The following ZFPM2 variants were observed in gnomAD, a reference collection of about 807,000 sequenced individuals.
The protein encoded by ZFPM2 is zinc finger protein ZFPM2.
Under a neutral mutation model 98.6 loss-of-function variants are expected in ZFPM2, and 20 were observed. The observed-to-expected ratio is 0.20, with a 90% CI of 0.14 to 0.29. The LOEUF (loss-of-function observed/expected upper bound fraction) is 0.29. Among genes scored for constraint, ZFPM2 ranks in the 10% least tolerant of loss-of-function variants. The pLI, the probability that ZFPM2 is intolerant of heterozygous loss-of-function variation, is 1.00. For synonymous variants in ZFPM2, 518 were observed against 502.7 expected (o/e 1.03, Z -0.41); for missense variants, 1,310 against 1,388.6 (o/e 0.94, Z 0.90).
At chr8:105,771,198 C>A (rs540636775) in intron 5 of ZFPM2, among the ~76,000 whole-genome samples, 1 of 152,162 alleles carries the variant, frequency 6.6e-6, no homozygotes, top group South Asian at 2.1e-4. Flanking sequence ...ACTTGTTATG[C>A]TGTATTTGAA....
intron 3 of ZFPM2, among the ~76,000 whole-genome samples, chr8:105,545,637 C>T (rs1814679068): frequency 6.6e-6 from 1 of 151,988 alleles, no homozygotes; most frequent in Non-Finnish European, 1.5e-5. Context: ...ATTGCTCCTC[C>T]TAAGTTTGTT....
At position 105,389,987 on chromosome 8, in the gene ZFPM2, G is replaced by A. The variant is rs561301468; in HGVS notation, c.41-29157G>A. ...ATTTCTGAATTTTTGGTTTAAGTAC[G>A]TCCCTTATAATATCTGGTATTTATG... On this transcript the variant is annotated intron_variant, in intron 1 of 7. Transcript: ENST00000407775. 1.1e-4 allele frequency among the ~76,000 whole-genome samples: 17 copies of A among 152,176 alleles called. 1 individual carries two copies. In the South Asian group the frequency reaches 2.3e-3, roughly 20 times the overall value.
At chr8:105,337,259 A>G (rs1229793681) in intron 1 of ZFPM2, among the ~76,000 whole-genome samples, 2 of 151,762 alleles carry the variant, frequency 1.3e-5, no homozygotes, top group African/African-American at 4.8e-5. Context: ...GGGGCAAGAC[A>G]ACAATAGTTT....
chr8:105,440,869 G>C (rs926079232), intron 2 of ZFPM2, among the ~76,000 whole-genome samples: 6 of 152,144 alleles, frequency 3.9e-5, no homozygotes, highest in African/African-American at 1.4e-4. Flanking sequence ...CAGAGGCCAA[G>C]GGACGGGAGC....
intron 3 of ZFPM2, among the ~76,000 whole-genome samples, chr8:105,476,480 T>C (rs2130368327): frequency 6.6e-6 from 1 of 152,190 alleles, no homozygotes; most frequent in Admixed American, 6.5e-5. Flanking sequence ...CCCAGGTCCA[T>C]GGAAAAACAT....
At chr8:105,506,361 CA>C (rs1813698524) in intron 3 of ZFPM2, among the ~76,000 whole-genome samples, 1 of 152,136 alleles carries the variant, frequency 6.6e-6, no homozygotes, top group Non-Finnish European at 1.5e-5. Flanking sequence ...AGTTATTTTC[CA>C]AGTGCTTTGT....
intron 4 of ZFPM2, among the ~76,000 whole-genome samples, chr8:105,564,524 A>C (rs1233480365): frequency 6.6e-6 from 1 of 152,096 alleles, no homozygotes; most frequent in African/African-American, 2.4e-5. Context: ...ATTGGTTAAC[A>C]TATATGTCTG....
rs2130080709 is a variant in ZFPM2, at chr8:105,419,260, G to A, written c.157G>A (p.Glu53Lys). ...EESFSTEFGP[E>K]NLSCEEVEYF... ...AAGCTTTTCCACAGAATTTGGGCCT[G>A]AAAATCTGAGCTGCGAAGAAGTGGA... Residue 53 changes from glutamate to lysine, a missense_variant, in exon 2 of 8, where the codon GAA becomes AAA. Transcript: ENST00000407775. The A allele has an allele frequency of 1.2e-6, 2 of 1,613,602 alleles. No homozygotes were observed. Among genetic ancestry groups the A allele is most frequent in the East Asian group, 2.2e-5 (1 of 44,846 alleles).
intron 3 of ZFPM2, among the ~76,000 whole-genome samples, chr8:105,450,152 G>A (rs1812457276): frequency 6.6e-6 from 1 of 152,040 alleles, no homozygotes; most frequent in African/African-American, 2.4e-5. Context: ...TACAGTTGCT[G>A]TTCAACATTA....
rs538722651 is a variant in ZFPM2, at chr8:105,388,662, G to C, written c.41-30482G>C. Among the ~76,000 whole-genome samples the C allele has an allele frequency of 2.6e-5, 4 of 152,322 alleles. No individual in the cohort carries two copies. The East Asian group carries it at 7.7e-4, about 29-fold the overall frequency. ...TACCTTTTAGAAAGGCAGCATTGGA[G>C]AATATGTCTTGAAAGGGAGTGAGGA... On this transcript the variant is annotated intron_variant, in intron 1 of 7. Transcript: ENST00000407775.
At chr8:105,747,484 A>G (rs1812375166) in intron 5 of ZFPM2, among the ~76,000 whole-genome samples, 2 of 152,116 alleles carry the variant, frequency 1.3e-5, no homozygotes, top group Admixed American at 1.3e-4. Context: ...CGCCATTCAA[A>G]TGCAACCATA....
At chr8:105,795,608 T>TAAA (rs200499086) in intron 6 of ZFPM2, 1 of 170,240 alleles carries the variant, frequency 5.9e-6, no homozygotes, top group South Asian at 1.0e-4. Flanking sequence ...GCAAAAAGGT[T>TAAA]AAAAAAAAAA....
At chr8:105,668,450 T>G (rs2130899314) in intron 5 of ZFPM2, among the ~76,000 whole-genome samples, 1 of 152,292 alleles carries the variant, frequency 6.6e-6, no homozygotes, top group East Asian at 1.9e-4. Context: ...GACCTGCATT[T>G]TCTTAAAACA....
chr8:105,536,255 T>A (rs1373674278), intron 3 of ZFPM2, among the ~76,000 whole-genome samples: 1 of 152,166 alleles, frequency 6.6e-6, no homozygotes, highest in Non-Finnish European at 1.5e-5. Context: ...ATGTGGTCTA[T>A]TTTAATATTT....
At chr8:105,473,588 T>G (rs914733754) in intron 3 of ZFPM2, among the ~76,000 whole-genome samples, 11 of 151,746 alleles carry the variant, frequency 7.2e-5, no homozygotes, top group African/African-American at 2.7e-4. Context: ...CACAGAAGAG[T>G]TGAGGAGAGC....
At chr8:105,657,386 G>C (rs1311617292) in intron 5 of ZFPM2, among the ~76,000 whole-genome samples, 2 of 152,072 alleles carry the variant, frequency 1.3e-5, no homozygotes. Flanking sequence ...TGATCCATCC[G>C]CCTCGGCCTC....
intron 2 of ZFPM2, among the ~76,000 whole-genome samples, chr8:105,441,492 A>AT (rs1343577896): frequency 8.2e-6 from 1 of 121,784 alleles, no homozygotes; most frequent in African/African-American, 3.8e-5. Context: ...GAAAGAAAGA[A>AT]AGAAAGAAAT....
intron 1 of ZFPM2, among the ~76,000 whole-genome samples, chr8:105,356,548 A>G (rs1442404291): frequency 1.3e-5 from 2 of 152,194 alleles, no homozygotes; most frequent in African/African-American, 4.8e-5. Context: ...TTTCATCTTC[A>G]GGCCTGCACT....
chr8:105,626,850 T>C (rs984511323), intron 4 of ZFPM2, among the ~76,000 whole-genome samples: 2 of 152,146 alleles, frequency 1.3e-5, no homozygotes, highest in Non-Finnish European at 2.9e-5. Context: ...TCTCACGGCA[T>C]TGGCATGAGA....
Sources: allele counts gnomAD v4.1 joint callset (sites outside exome capture counted in the v4.1 genomes callset), GRCh38; gene constraint gnomAD v4.1.1; transcripts MANE v1.5; gene names NCBI Gene and HGNC (gene_info 2026-07-23, HGNC 2026-07-21).